Variants in MLLT3 observed in about 807,000 individuals in gnomAD.
The protein encoded by MLLT3 is protein AF-9.
Under a neutral mutation model 53.2 loss-of-function variants are expected in MLLT3, and 4 were observed. The ratio of observed to expected loss-of-function variants is 0.08; its 90% confidence interval spans 0.04 to 0.17. MLLT3 has a LOEUF of 0.17. MLLT3 is among the 10% of genes least tolerant of loss of function. The pLI is 1.00. For missense variants in MLLT3, 569 were observed against 684.0 expected (o/e 0.83, Z 1.87); for synonymous variants, 283 against 230.6 (o/e 1.23, Z -2.06).
At chr9:20,622,206 T>C (rs763582856) in intron 1 of MLLT3, 39 bp downstream of exon 1, 1 of 1,578,836 alleles carries the variant, frequency 6.3e-7, no homozygotes, top group Non-Finnish European at 8.7e-7. Flanking sequence ...GGAAGGAAAG[T>C]GGGGGAGGGC....
At chr9:20,496,938 G>A (rs1447632723) in intron 2 of MLLT3, among the ~76,000 whole-genome samples, 1 of 152,186 alleles carries the variant, frequency 6.6e-6, no homozygotes, top group Non-Finnish European at 1.5e-5. Context: ...GGACACCACT[G>A]ATCCTCCAAC....
At chr9:20,414,702 G>T (rs1822828772) in intron 4 of MLLT3, among the ~76,000 whole-genome samples, 2 of 152,172 alleles carry the variant, frequency 1.3e-5, no homozygotes, top group African/African-American at 4.8e-5. Flanking sequence ...TTCAACAAAT[G>T]TTAACTACTG....
chr9:20,522,788 C>T (rs1818096780), intron 2 of MLLT3, among the ~76,000 whole-genome samples: 3 of 151,878 alleles, frequency 2.0e-5, no homozygotes, highest in African/African-American at 4.8e-5. Context: ...TACAAAGGGC[C>T]CAGTGCAGTA....
intron 2 of MLLT3, among the ~76,000 whole-genome samples, chr9:20,550,515 C>T (rs894646894): frequency 3.9e-5 from 6 of 152,136 alleles, no homozygotes; most frequent in Non-Finnish European, 1.5e-5. Context: ...ACCATAACCT[C>T]GGCCTCCCAG....
At chr9:20,579,565 C>T (rs186904626) in intron 2 of MLLT3, among the ~76,000 whole-genome samples, 12 of 152,084 alleles carry the variant, frequency 7.9e-5, no homozygotes, top group Non-Finnish European at 1.5e-4. Context: ...ACAATTCTGA[C>T]GCATGAATAA....
intron 10 of MLLT3, among the ~76,000 whole-genome samples, chr9:20,350,491 A>G (rs1458415482): frequency 6.7e-6 from 1 of 149,716 alleles, no homozygotes; most frequent in Admixed American, 6.6e-5. Flanking sequence ...GCTACTTGGG[A>G]GGCTGAGGCA....
intron 4 of MLLT3, 45 bp from the exon 5 acceptor site, chr9:20,414,470 C>T: frequency 6.3e-7 from 1 of 1,593,212 alleles, no homozygotes; most frequent in Non-Finnish European, 8.5e-7. Flanking sequence ...AACTAAATAG[C>T]AATGAAGAGT....
intron 9 of MLLT3, among the ~76,000 whole-genome samples, chr9:20,354,004 C>G (rs1350809683): frequency 1.3e-5 from 2 of 151,732 alleles, no homozygotes; most frequent in African/African-American, 4.9e-5. Context: ...GAAAAAAATT[C>G]TAAGTTTGAA....
intron 2 of MLLT3, among the ~76,000 whole-genome samples, chr9:20,488,193 G>C (rs1467405746): frequency 1.3e-5 from 2 of 152,074 alleles, no homozygotes; most frequent in African/African-American, 4.8e-5. Context: ...GTGGTTGCCA[G>C]GGGTCAGAAG....
intron 4 of MLLT3, among the ~76,000 whole-genome samples, chr9:20,436,529 T>C (rs570529210): frequency 6.6e-6 from 1 of 152,206 alleles, no homozygotes; most frequent in East Asian, 1.9e-4. Context: ...ATTGCTCCAT[T>C]GGTCCTAATG....
chr9:20,440,468 A>G (rs953062252), intron 4 of MLLT3, among the ~76,000 whole-genome samples: 4 of 152,152 alleles, frequency 2.6e-5, no homozygotes, highest in Admixed American at 6.5e-5. Flanking sequence ...CAAAATGTTA[A>G]TCATAGCCCC....
chr9:20,561,824 T>G (rs529054237), intron 2 of MLLT3, among the ~76,000 whole-genome samples: 1 of 152,184 alleles, frequency 6.6e-6, no homozygotes, highest in Non-Finnish European at 1.5e-5. Context: ...AAGAACCCTC[T>G]GTAGGCTTTG....
intron 2 of MLLT3, among the ~76,000 whole-genome samples, chr9:20,532,169 T>C (rs1309105168): frequency 2.6e-5 from 4 of 152,114 alleles, no homozygotes; most frequent in Non-Finnish European, 5.9e-5. Context: ...AGTGAAGATA[T>C]TCAACTATGT....
At chr9:20,428,464 T>G (rs1823189724) in intron 4 of MLLT3, among the ~76,000 whole-genome samples, 1 of 152,002 alleles carries the variant, frequency 6.6e-6, no homozygotes, top group African/African-American at 2.4e-5. Flanking sequence ...CTTCAATAAT[T>G]TTCAGGTTAA....
chr9:20,622,384 G>A lies in MLLT3; in HGVS notation c.-128C>T, dbSNP rs1821046023. On this transcript the variant is annotated 5_prime_UTR_variant, in exon 1 of 11. Transcript: ENST00000380338. ...GCCCAGGAGCGGAGGGTAGATGGCG[G>A]ACATTCTCTGCCTTTTTCCCCCCGC... 1.2e-6 allele frequency: 1 copy of A among 838,378 alleles called. No individual in the cohort carries two copies. Among genetic ancestry groups the A allele is most frequent in the Non-Finnish European group, 1.8e-6 (1 of 557,938 alleles). 51.9% of individuals were successfully genotyped at this position (838,378 alleles called of 1,614,324 possible). A position where few individuals can be genotyped will look rare whatever the true frequency, so the allele number is the denominator to read the frequency against.
intron 2 of MLLT3, among the ~76,000 whole-genome samples, chr9:20,490,454 C>T (rs1297738810): frequency 6.6e-6 from 1 of 152,204 alleles, no homozygotes; most frequent in African/African-American, 2.4e-5. Flanking sequence ...GGAGAGATGC[C>T]TCTAGTTGCT....
At chr9:20,503,397 T>C (rs1425072678) in intron 2 of MLLT3, among the ~76,000 whole-genome samples, 3 of 152,154 alleles carry the variant, frequency 2.0e-5, no homozygotes, top group Non-Finnish European at 4.4e-5. Flanking sequence ...TCTACACATA[T>C]ACAGTCAATT....
intron 8 of MLLT3, among the ~76,000 whole-genome samples, chr9:20,358,018 C>T (rs1821215422): frequency 6.6e-6 from 1 of 150,814 alleles, no homozygotes; most frequent in Admixed American, 6.7e-5. Flanking sequence ...CACACACATT[C>T]AAATACGACT....
chr9:20,607,457 A>G (rs1045385077), intron 2 of MLLT3, among the ~76,000 whole-genome samples: 2 of 152,140 alleles, frequency 1.3e-5, no homozygotes, highest in African/African-American at 4.8e-5. Context: ...GACATAGTTA[A>G]GCAGAAATTT....
Sources: gnomAD v4.1 joint callset for allele counts (sites outside exome capture counted in the v4.1 genomes callset) on GRCh38, gnomAD v4.1.1 for gene constraint, MANE v1.5 for transcripts, NCBI Gene and HGNC (gene_info 2026-07-23, HGNC 2026-07-21) for gene names.